The following EPHX2 variants were observed in gnomAD, a reference collection of about 807,000 sequenced individuals.
The protein encoded by EPHX2 is epoxide hydrolase 2.
In EPHX2, 74 loss-of-function variants were observed where a neutral mutation model predicts 78.7. That is an observed-to-expected ratio of 0.94 (90% confidence interval 0.78 to 1.14). The LOEUF (loss-of-function observed/expected upper bound fraction) is 1.14, where lower values mean the gene tolerates loss of function less well. EPHX2 is among the 50% of genes most tolerant of loss of function. The pLI is 0.00. For missense variants in EPHX2, 715 were observed against 702.5 expected, an observed-to-expected ratio of 1.02 and a Z score of -0.20; for synonymous variants, 251 against 255.2, an observed-to-expected ratio of 0.98 and a Z score of 0.16.
At chr8:27,499,371 G>A (rs1813685476) in intron 1 of EPHX2, among the ~76,000 whole-genome samples, 3 of 152,170 alleles carry the variant, frequency 2.0e-5, no homozygotes, top group Admixed American at 6.5e-5. Context: ...AAAGGTATGG[G>A]AAAACCATTG....
At chr8:27,534,996 C>T (rs1279575052) in intron 12 of EPHX2, among the ~76,000 whole-genome samples, 4 of 152,046 alleles carry the variant, frequency 2.6e-5, no homozygotes, top group Admixed American at 6.6e-5. Context: ...GGGAGGCCAG[C>T]GAGTAGGAGG....
At chr8:27,524,792 T>G (rs1244825106) in intron 11 of EPHX2, among the ~76,000 whole-genome samples, 1 of 152,214 alleles carries the variant, frequency 6.6e-6, no homozygotes, top group Non-Finnish European at 1.5e-5. Context: ...CTATGCTATT[T>G]TGTGCTATTC....
At chr8:27,501,112 T>G in intron 2 of EPHX2, 102 bp downstream of exon 2, 1 of 933,870 alleles carries the variant, frequency 1.1e-6, no homozygotes, top group Non-Finnish European at 1.6e-6. Flanking sequence ...ACACCCACCT[T>G]TTCTGTGAAG....
intron 6 of EPHX2, among the ~76,000 whole-genome samples, chr8:27,514,162 G>A (rs959369054): frequency 6.6e-6 from 1 of 152,034 alleles, no homozygotes; most frequent in Admixed American, 6.6e-5. Context: ...TCTAAAATTA[G>A]CTGGGGTGGT....
At chr8:27,502,256 A>G (rs1460034258) in intron 2 of EPHX2, among the ~76,000 whole-genome samples, 1 of 152,244 alleles carries the variant, frequency 6.6e-6, no homozygotes, top group Non-Finnish European at 1.5e-5. Context: ...TCGTTGTTGC[A>G]TGCTGCCATA....
intron 18 of EPHX2, 52 bp downstream of exon 18, chr8:27,544,296 C>T: frequency 1.2e-6 from 2 of 1,607,760 alleles, no homozygotes; most frequent in South Asian, 1.1e-5. Context: ...CCCCCGTTCA[C>T]CTTCCATAAA....
In EPHX2 at chr8:27,540,548, T is replaced by C; in HGVS notation, c.1277-6T>C. 6.2e-7 allele frequency: 1 copy of C among 1,614,012 alleles called. No homozygotes were observed. Among genetic ancestry groups the C allele is most frequent in the Non-Finnish European group, 8.5e-7 (1 of 1,179,940 alleles). ...TGGGAAAGTCAACAAGTGGCTTTTT[T>C]TGCAGGAGGACTTTTTGTAAATAGC... On this transcript the variant is annotated splice_region_variant and splice_polypyrimidine_tract_variant and intron_variant, in intron 14 of 18. Coordinates refer to ENST00000521400, the MANE Select transcript of EPHX2 (RefSeq NM_001979.6).
At chr8:27,531,427 T>C (rs1412808336) in intron 12 of EPHX2, among the ~76,000 whole-genome samples, 1 of 152,244 alleles carries the variant, frequency 6.6e-6, no homozygotes, top group Non-Finnish European at 1.5e-5. Context: ...GTCAACAGTT[T>C]GCTGTCTGCC....
rs767078954 is a variant in EPHX2, at chr8:27,503,592, T to C, written c.187-12T>C. 11 of 1,602,302 alleles carry C rather than the reference T, an allele frequency of 6.9e-6. No individual in the cohort carries two copies. ...TGGCCATACAAATTGTCCCCTCACT[T>C]CACTTTGACAGTGGATACCACTCAT... On this transcript the variant is annotated splice_polypyrimidine_tract_variant and intron_variant, in intron 2 of 18. Coordinates refer to ENST00000521400, the MANE Select transcript of EPHX2 (RefSeq NM_001979.6).
At chr8:27,533,334 C>T (rs1045354465) in intron 12 of EPHX2, among the ~76,000 whole-genome samples, 2 of 152,140 alleles carry the variant, frequency 1.3e-5, no homozygotes, top group African/African-American at 4.8e-5. Flanking sequence ...AAAGTCCATC[C>T]TTTAACTTCT....
intron 1 of EPHX2, among the ~76,000 whole-genome samples, chr8:27,492,080 A>C (rs915846112): frequency 1.3e-5 from 2 of 152,176 alleles, no homozygotes; most frequent in Non-Finnish European, 2.9e-5. Flanking sequence ...CATTGTTCAT[A>C]TCCTCCTTTT....
chr8:27,543,781 G>C lies in EPHX2; in HGVS notation c.1482G>C (p.Glu494Asp), dbSNP rs1307474712. The change falls in exon 17 of 19, where the codon GAG becomes GAC. Residue 494 changes from glutamate (E) to aspartate (D), a missense_variant. By Grantham distance (45) the Glu-to-Asp change is conservative (BLOSUM62 2). Coordinates refer to ENST00000521400, the MANE Select transcript of EPHX2 (RefSeq NM_001979.6). ...TTCCGGCCCTGATGGTCACGGCGGA[G>C]AAGGACTTCGTGCTCGTTCCTCAGA... The part of the protein sequence containing the change: ...ILIPALMVTA[E>D]KDFVLVPQMS... The C allele has an allele frequency of 6.2e-7, 1 of 1,614,090 alleles. No individual in the cohort carries two copies. The highest frequency in any genetic ancestry group is 1.1e-5 in the South Asian group (1 of 91,078).
chr8:27,516,270 C>T, intron 7 of EPHX2, 50 bp from the exon 8 acceptor site: 1 of 1,530,726 alleles, frequency 6.5e-7, no homozygotes, highest in Non-Finnish European at 9.0e-7. Context: ...GAGGGAGTAT[C>T]CGCCTAGGAC....
intron 9 of EPHX2, among the ~76,000 whole-genome samples, chr8:27,518,654 G>A (rs904096929): frequency 6.6e-6 from 1 of 152,242 alleles, no homozygotes; most frequent in Non-Finnish European, 1.5e-5. Context: ...GTTGGCTGGG[G>A]AACTAGTAAT....
At chr8:27,500,159 A>G (rs1813711479) in intron 1 of EPHX2, among the ~76,000 whole-genome samples, 1 of 152,108 alleles carries the variant, frequency 6.6e-6, no homozygotes, top group African/African-American at 2.4e-5. Context: ...AGGTGATTGG[A>G]TCATGGGGGT....
At chr8:27,506,841 C>G (rs1485024623) in intron 4 of EPHX2, 31 bp from the exon 5 acceptor site, 5 of 1,603,692 alleles carry the variant, frequency 3.1e-6, no homozygotes, top group Non-Finnish European at 4.3e-6. Flanking sequence ...GAGTTTCTTT[C>G]TGAGATTCTC....
chr8:27,507,366 G>T (rs1026532027), intron 5 of EPHX2, among the ~76,000 whole-genome samples: 1 of 152,094 alleles, frequency 6.6e-6, no homozygotes, highest in South Asian at 2.1e-4. Context: ...TGGCACTCAG[G>T]TGCAGCCCTT....
chr8:27,519,110 CTAGG>C (rs1332793085), intron 9 of EPHX2, among the ~76,000 whole-genome samples: 1 of 152,202 alleles, frequency 6.6e-6, no homozygotes. Flanking sequence ...ACATCCACAG[CTAGG>C]TATTTACCCA....
chr8:27,541,639 T>C (rs1815406187), intron 16 of EPHX2, 97 bp downstream of exon 16: 3 of 1,317,788 alleles, frequency 2.3e-6, no homozygotes, highest in Non-Finnish European at 3.3e-6. Flanking sequence ...CCAGAGCTGG[T>C]TGTGGACAGA....
Sources: gnomAD v4.1 joint callset for allele counts (sites outside exome capture counted in the v4.1 genomes callset) on GRCh38, gnomAD v4.1.1 for gene constraint, MANE v1.5 for transcripts, NCBI Gene and HGNC (gene_info 2026-07-23, HGNC 2026-07-21) for gene names.